Variants in PSME4 observed in about 807,000 individuals in gnomAD.
The protein encoded by PSME4 is proteasome activator subunit 4, also known as proteasome activator complex subunit 4.
Under a neutral mutation model 253.9 loss-of-function variants are expected in PSME4, and 89 were observed. The ratio of observed to expected loss-of-function variants is 0.35; its 90% CI spans 0.30 to 0.42. The LOEUF is 0.42. PSME4 is among the 10% of genes least tolerant of loss of function. PSME4 has a pLI of 1.00. For missense variants in PSME4, 2,014 were observed against 2,195.2 expected (o/e 0.92, Z 1.65); for synonymous variants, 851 against 759.2 (o/e 1.12, Z -1.99).
chr2:53,879,777 G>C (rs191896267), intron 41 of PSME4, among the ~76,000 whole-genome samples: 1 of 137,180 alleles, frequency 7.3e-6, no homozygotes, highest in Admixed American at 8.0e-5. Context: ...ACTCCAGCCT[G>C]GGTGACAGAG....
At chr2:53,906,901 A>G in intron 24 of PSME4, 33 bp from the exon 25 acceptor site, 1 of 1,597,806 alleles carries the variant, frequency 6.3e-7, no homozygotes, top group Non-Finnish European at 8.6e-7. Flanking sequence ...ATACTTCAAC[A>G]TTTTCCCTAA....
chr2:53,944,871 A>G (rs1171104807), intron 3 of PSME4, among the ~76,000 whole-genome samples: 1 of 152,226 alleles, frequency 6.6e-6, no homozygotes, highest in Non-Finnish European at 1.5e-5. Context: ...CAAATACCAG[A>G]AAAATAAAAT....
At chr2:53,929,192 G>C (rs990763062) in intron 10 of PSME4, among the ~76,000 whole-genome samples, 11 of 151,614 alleles carry the variant, frequency 7.3e-5, no homozygotes, top group African/African-American at 2.4e-4. Flanking sequence ...AACATCAACT[G>C]ATAGATCCTG....
chr2:53,959,739 A>G (rs1670397920), intron 1 of PSME4, among the ~76,000 whole-genome samples: 1 of 152,230 alleles, frequency 6.6e-6, no homozygotes, highest in East Asian at 1.9e-4. Flanking sequence ...CACTGAGTGA[A>G]CAAATAAGAG....
intron 1 of PSME4, among the ~76,000 whole-genome samples, chr2:53,959,357 T>C (rs1275303473): frequency 2.0e-5 from 3 of 151,870 alleles, no homozygotes; most frequent in Non-Finnish European, 4.4e-5. Context: ...AGAGCGAGAC[T>C]CTGTCTCAAA....
rs559053865 is a variant in PSME4, at chr2:53,885,906, A to G, written c.4730-131T>C. The G allele has an allele frequency of 1.7e-5, 9 of 536,424 alleles. No individual in the cohort carries two copies. In the African/African-American group the frequency reaches 1.7e-4, roughly 10 times the overall value. 33.2% of individuals were successfully genotyped at this position (536,424 alleles called of 1,614,324 possible). On this transcript the variant is annotated intron_variant, in intron 40 of 46. Transcript: ENST00000404125. ...TTCGGTGCTATGAAAGATATCATCT[A>G]TGTTACTTCATAAATTAGACACTTA...
intron 1 of PSME4, among the ~76,000 whole-genome samples, chr2:53,961,551 GC>G (rs1670496719): frequency 6.6e-6 from 1 of 152,110 alleles, no homozygotes; most frequent in Non-Finnish European, 1.5e-5. Context: ...GCTGATACAT[GC>G]CCGTGGTCCC....
chr2:53,912,453 A>G (rs531371516), intron 20 of PSME4, among the ~76,000 whole-genome samples: 1 of 152,244 alleles, frequency 6.6e-6, no homozygotes, highest in African/African-American at 2.4e-5. Context: ...CAGCAAGTGT[A>G]GCTATTTATT....
At chr2:53,868,050 A>T (rs1678658230) in intron 44 of PSME4, among the ~76,000 whole-genome samples, 1 of 152,168 alleles carries the variant, frequency 6.6e-6, no homozygotes, top group African/African-American at 2.4e-5. Flanking sequence ...GACACATGGA[A>T]AATAGGGAGT....
intron 9 of PSME4, 107 bp from the exon 10 acceptor site, chr2:53,932,207 T>C: frequency 4.0e-6 from 4 of 1,007,192 alleles, no homozygotes; most frequent in Non-Finnish European, 5.9e-6. Flanking sequence ...TAACAGTTCT[T>C]ATTATCTTAT....
chr2:53,870,593 G>C (rs1486445424), intron 43 of PSME4: 1 of 151,616 alleles, frequency 6.6e-6, no homozygotes, highest in Non-Finnish European at 1.5e-5. Flanking sequence ...AGCCAGGATG[G>C]TCTTGATCTT....
chr2:53,952,124 G>T (rs1046333051), intron 1 of PSME4, among the ~76,000 whole-genome samples: 7 of 152,168 alleles, frequency 4.6e-5, no homozygotes, highest in African/African-American at 1.4e-4. Flanking sequence ...TTCAGTGGCT[G>T]CTTCAGGCCT....
At chr2:53,959,982 T>C (rs1310767101) in intron 1 of PSME4, among the ~76,000 whole-genome samples, 1 of 152,244 alleles carries the variant, frequency 6.6e-6, no homozygotes, top group Non-Finnish European at 1.5e-5. Flanking sequence ...TTGATTTTTT[T>C]AGCCCAATTT....
At chr2:53,956,974 T>C (rs1024728281) in intron 1 of PSME4, among the ~76,000 whole-genome samples, 2 of 152,090 alleles carry the variant, frequency 1.3e-5, no homozygotes, top group African/African-American at 4.8e-5. Context: ...AACTGATATG[T>C]TTAAAACCAT....
intron 31 of PSME4, among the ~76,000 whole-genome samples, chr2:53,897,181 T>G (rs1472852846): frequency 6.6e-6 from 1 of 151,418 alleles, no homozygotes; most frequent in African/African-American, 2.4e-5. Flanking sequence ...TTTTTTTTTT[T>G]TTTTTTGACA....
rs889849856 is a variant in PSME4, at chr2:53,900,008, A to C, written c.3295T>G (p.Ser1099Ala). The change falls in exon 29 of 47, where the codon TCA (serine) becomes GCA (alanine). Residue 1099 changes from serine (S) to alanine (A), a missense_variant. By Grantham distance (99) the Ser-to-Ala change is moderately conservative. Around this residue, in one of 4 missense-constraint regions of PSME4, gnomAD observed 989 missense variants for 1,021.1 expected, o/e 0.97. Coordinates refer to ENST00000404125, the MANE Select transcript of PSME4 (RefSeq NM_014614.3). Reference protein sequence around the residue: ...TIGLDFTIPKSCVEIAELLQQ... With the variant: ...TIGLDFTIPKACVEIAELLQQ... The stretch of plus-strand genomic sequence containing the variant: ...AGTAATTCCGCTATTTCAACACATG[A>C]CTTTGGAATCTTGTTAAAAAGAAAA... 12 of 1,611,438 alleles carry C rather than the reference A, an allele frequency of 7.4e-6. No individual in the cohort carries two copies. The highest frequency in any genetic ancestry group is 1.0e-5 in the Non-Finnish European group (12 of 1,179,228).
At chr2:53,931,518 T>C (rs900590484) in intron 10 of PSME4, among the ~76,000 whole-genome samples, 2 of 152,228 alleles carry the variant, frequency 1.3e-5, no homozygotes, top group Non-Finnish European at 2.9e-5. Context: ...CACTGCCATA[T>C]TCTCAATCCT....
intron 1 of PSME4, among the ~76,000 whole-genome samples, chr2:53,958,729 T>C (rs1670345979): frequency 6.6e-6 from 1 of 151,618 alleles, no homozygotes; most frequent in Non-Finnish European, 1.5e-5. Flanking sequence ...AAGTATGGTG[T>C]CAATGCTATG....
chr2:53,909,628 A>G (rs1667737356), intron 21 of PSME4, among the ~76,000 whole-genome samples: 1 of 152,166 alleles, frequency 6.6e-6, no homozygotes, highest in Non-Finnish European at 1.5e-5. Flanking sequence ...TTCTTTTCAT[A>G]TATCAAAAAA....
Sources: allele counts gnomAD v4.1 joint callset (sites outside exome capture counted in the v4.1 genomes callset), GRCh38; gene constraint gnomAD v4.1.1; regional missense constraint gnomAD v4.1.1; transcripts MANE v1.5; gene names NCBI Gene and HGNC (gene_info 2026-07-23, HGNC 2026-07-21).